The following LRRC9 variants were observed in gnomAD, a reference collection of about 807,000 sequenced individuals.
LRRC9 encodes the protein leucine-rich repeat-containing protein 9.
In LRRC9, 122 loss-of-function variants were observed where a neutral mutation model predicts 63.2. The observed-to-expected ratio is 1.93, with a 90% CI of 1.67 to 2.24. The LOEUF (loss-of-function observed/expected upper bound fraction) is 2.24. Ranked by LOEUF, LRRC9 falls within the 30% of genes most tolerant of loss-of-function variation. The pLI, the probability that LRRC9 is intolerant of heterozygous loss-of-function variation, is 0.00. For synonymous variants in LRRC9, 366 were observed against 213.1 expected (o/e 1.72, Z -6.25); for missense variants, 1,071 against 627.7 (o/e 1.71, Z -7.55).
In LRRC9 at chr14:60,023,096, T is replaced by C. The variant is rs139518975; in HGVS notation, c.3703+226T>C. On this transcript the variant is annotated intron_variant, in intron 27 of 31. Coordinates refer to ENST00000445360, the Ensembl canonical transcript of LRRC9. ...GAATATATATAGTATTACATCATAA[T>C]TTACTTGTATATCGTATTCAACTTA... 3.2e-3 allele frequency among the ~76,000 whole-genome samples: 481 copies of C among 152,128 alleles called. 1 individual carries two copies. Among genetic ancestry groups the C allele is most frequent in the African/African-American group, 0.011 (460 of 41,554 alleles).
At chr14:59,991,676 G>A (rs539629636) in intron 17 of LRRC9, among the ~76,000 whole-genome samples, 49 of 152,266 alleles carry the variant, frequency 3.2e-4, no homozygotes, top group African/African-American at 9.9e-4. Context: ...TATATCCCGC[G>A]CATAGCTCGG....
intron 8 of LRRC9, among the ~76,000 whole-genome samples, chr14:59,952,688 C>T (rs1883295758): frequency 6.6e-6 from 1 of 152,072 alleles, no homozygotes; most frequent in Admixed American, 6.5e-5. Context: ...CATGTGCAAA[C>T]ATGCAGGTTT....
chr14:59,970,652 T>C (rs1885384726), intron 12 of LRRC9, among the ~76,000 whole-genome samples: 1 of 152,196 alleles, frequency 6.6e-6, no homozygotes, highest in Non-Finnish European at 1.5e-5. Flanking sequence ...TGTCTCATTG[T>C]GGTTTTGATT....
exon 12 of LRRC9, chr14:59,967,131 T>C (rs1357627168): frequency 9.3e-6 from 6 of 645,852 alleles, no homozygotes; most frequent in Non-Finnish European, 1.2e-5. Flanking sequence ...CTTTTTTATG[T>C]TTTTGATCCT....
intron 7 of LRRC9, among the ~76,000 whole-genome samples, chr14:59,943,260 T>C (rs1881984769): frequency 6.6e-6 from 1 of 152,164 alleles, no homozygotes; most frequent in African/African-American, 2.4e-5. Flanking sequence ...TTTCTCTCTT[T>C]TCTTCTAGTA....
At chr14:60,023,466 A>C (rs1891273940) in intron 27 of LRRC9, among the ~76,000 whole-genome samples, 1 of 152,020 alleles carries the variant, frequency 6.6e-6, no homozygotes, top group Admixed American at 6.6e-5. Flanking sequence ...GAGTCACAGG[A>C]CATGACTGTG....
At chr14:60,044,784 A>G (rs1298577836) in intron 29 of LRRC9, among the ~76,000 whole-genome samples, 5 of 152,228 alleles carry the variant, frequency 3.3e-5, no homozygotes, top group African/African-American at 1.2e-4. Context: ...AAATGTTTAT[A>G]AATGTCAGTT....
At chr14:59,946,043 T>C (rs1367414619) in intron 8 of LRRC9, among the ~76,000 whole-genome samples, 1 of 151,708 alleles carries the variant, frequency 6.6e-6, no homozygotes, top group Non-Finnish European at 1.5e-5. Flanking sequence ...TAAATCTACT[T>C]CTAGCACTCT....
At chr14:59,931,197 C>G (rs1314426322) in intron 4 of LRRC9, 139 bp downstream of exon 4, 1 of 295,690 alleles carries the variant, frequency 3.4e-6, no homozygotes, top group African/African-American at 2.2e-5. Context: ...AAAGAACTAA[C>G]ATGTATATAG....
intron 29 of LRRC9, among the ~76,000 whole-genome samples, chr14:60,037,004 G>A (rs1202134193): frequency 1.3e-5 from 2 of 152,108 alleles, no homozygotes; most frequent in Admixed American, 1.3e-4. Flanking sequence ...CTATGAGTGA[G>A]AACATGTGGT....
chr14:59,980,280 T>C (rs962098985), intron 15 of LRRC9, among the ~76,000 whole-genome samples: 1 of 152,162 alleles, frequency 6.6e-6, no homozygotes, highest in African/African-American at 2.4e-5. Flanking sequence ...ACAACCTTTA[T>C]TGTTAAAATT....
intron 17 of LRRC9, among the ~76,000 whole-genome samples, chr14:59,997,331 G>A (rs1383450964): frequency 2.0e-5 from 3 of 152,122 alleles, no homozygotes; most frequent in South Asian, 2.1e-4. Context: ...TAAACAAGAA[G>A]CCTATATATT....
chr14:60,009,829 G>A (rs1288474859), intron 23 of LRRC9, among the ~76,000 whole-genome samples: 1 of 152,118 alleles, frequency 6.6e-6, no homozygotes, highest in Non-Finnish European at 1.5e-5. Context: ...CAAAACAAAG[G>A]GGCTACAGGC....
rs1415288779 is a variant in LRRC9 at position 59,986,927 on chromosome 14, G to A, written c.2211+1703G>A. The stretch of plus-strand genomic sequence containing the variant: ...TAGCTATAGACCTTTCAAATGTCAA[G>A]TCTCTAAAAATGACTCTAAGGATAT... On this transcript the variant is annotated intron_variant, in intron 17 of 31. Coordinates refer to ENST00000445360, the Ensembl canonical transcript of LRRC9. The surrounding 1 kb of genome is among the most constrained non-coding windows in gnomAD (Gnocchi z 4.7). Among the ~76,000 whole-genome samples the A allele has an allele frequency of 6.6e-6, 1 of 152,156 alleles. No individual in the cohort carries two copies. Among genetic ancestry groups the A allele is most frequent in the Non-Finnish European group, 1.5e-5 (1 of 68,026 alleles).
exon 29 of LRRC9, chr14:60,032,047 C>G (rs1892031643): frequency 2.9e-6 from 2 of 699,986 alleles, no homozygotes; most frequent in East Asian, 5.4e-5. Context: ...AGGGAGCTTA[C>G]AGTGTATGGC....
At chr14:60,059,644 T>C (rs1340511476) in intron 31 of LRRC9, among the ~76,000 whole-genome samples, 1 of 152,232 alleles carries the variant, frequency 6.6e-6, no homozygotes, top group Non-Finnish European at 1.5e-5. Context: ...CAACATTCCC[T>C]TAAGCCAAAG....
At chr14:60,007,591 A>G (rs541231042) in intron 22 of LRRC9, among the ~76,000 whole-genome samples, 1 of 152,318 alleles carries the variant, frequency 6.6e-6, no homozygotes, top group East Asian at 1.9e-4. Flanking sequence ...ACATCCATTT[A>G]TTAAGCCATT....
At chr14:60,037,905 A>AG (rs1892590849) in intron 29 of LRRC9, among the ~76,000 whole-genome samples, 1 of 152,020 alleles carries the variant, frequency 6.6e-6, no homozygotes, top group African/African-American at 2.4e-5. Context: ...TTTAGGTCTA[A>AG]ATTTAAGTCT....
Position 60,003,893 on chromosome 14 carries a change from A to T in LRRC9, c.2842+95A>T, listed in dbSNP as rs78697073. On this transcript the variant is annotated intron_variant, in intron 21 of 31. Transcript: ENST00000445360. The surrounding 1 kb of genome is among the most constrained non-coding windows in gnomAD (Gnocchi z 4.2). Reference sequence around the variant, plus strand: ...GGGAACAGAGTTTCTGAAGAGGAAGATCTCTAGGAAAGTTCCAAGTTTTTG... The same window carrying T: ...GGGAACAGAGTTTCTGAAGAGGAAGTTCTCTAGGAAAGTTCCAAGTTTTTG... The T allele has an allele frequency of 7.3e-3, 3,756 of 516,884 alleles. 186 individuals carry two copies. The East Asian group carries it at 0.092, about 13-fold the overall frequency. 32.0% of individuals were successfully genotyped at this position (516,884 alleles called of 1,614,324 possible).
Sources: gnomAD v4.1 joint callset for allele counts (sites outside exome capture counted in the v4.1 genomes callset) on GRCh38, gnomAD v4.1.1 for gene constraint, Gnocchi (gnomAD v3.1) non-coding constraint, MANE v1.5 for transcripts, NCBI Gene and HGNC (gene_info 2026-07-23, HGNC 2026-07-21) for gene names.